Variants in RAD51B observed in about 807,000 individuals in gnomAD.
The protein encoded by RAD51B is RAD51 paralog B.
A neutral mutation model predicts 42.2 loss-of-function variants in RAD51B; 38 were observed. The ratio of observed to expected loss-of-function variants is 0.90; its 90% confidence interval spans 0.70 to 1.18. The LOEUF (loss-of-function observed/expected upper bound fraction) is 1.18, where lower values mean the gene tolerates loss of function less well. Among genes scored for constraint, RAD51B ranks in the 50% most tolerant of loss-of-function variants. RAD51B has a pLI of 0.00. For missense variants in RAD51B, 373 were observed against 400.7 expected, an observed-to-expected ratio of 0.93 and a Z score of 0.59; for synonymous variants, 154 against 145.2, an observed-to-expected ratio of 1.06 and a Z score of -0.43.
At chr14:68,401,148 A>G (rs2084093790) in intron 8 of RAD51B, among the ~76,000 whole-genome samples, 1 of 152,192 alleles carries the variant, frequency 6.6e-6, no homozygotes, top group African/African-American at 2.4e-5. Flanking sequence ...TTTTCGTATA[A>G]AGTGAGCATG....
intron 8 of RAD51B, among the ~76,000 whole-genome samples, chr14:68,359,359 C>T (rs1011158452): frequency 6.6e-6 from 1 of 151,918 alleles, no homozygotes; most frequent in Non-Finnish European, 1.5e-5. Context: ...TCCTTTAGCT[C>T]AGGGGCAAGT....
intron 7 of RAD51B, among the ~76,000 whole-genome samples, chr14:68,116,361 A>G (rs1335501241): frequency 6.6e-6 from 1 of 151,882 alleles, no homozygotes; most frequent in African/African-American, 2.4e-5. Context: ...AAAAAAAAAA[A>G]AAGAAACTAG....
chr14:68,636,516 G>T (rs1892343105), intron 10 of RAD51B, among the ~76,000 whole-genome samples: 1 of 151,184 alleles, frequency 6.6e-6, no homozygotes, highest in Non-Finnish European at 1.5e-5. Context: ...CCAGGAGGCG[G>T]AGGTTGCAGT....
intron 7 of RAD51B, among the ~76,000 whole-genome samples, chr14:67,906,304 G>T (rs2043779874): frequency 6.6e-6 from 1 of 152,080 alleles, no homozygotes; most frequent in Non-Finnish European, 1.5e-5. Flanking sequence ...CTTGTATTTT[G>T]TTGAGGATTT....
downstream of RAD51B, among the ~76,000 whole-genome samples, chr14:68,596,932 A>G (rs1431718909): frequency 6.6e-6 from 1 of 152,166 alleles, no homozygotes; most frequent in African/African-American, 2.4e-5. Flanking sequence ...CTGCTGCTCC[A>G]AGGGTGCCAC....
chr14:68,108,396 CA>C (rs1322312218), intron 7 of RAD51B, among the ~76,000 whole-genome samples: 4 of 151,886 alleles, frequency 2.6e-5, no homozygotes, highest in Admixed American at 2.6e-4. Flanking sequence ...AATGGATAAA[CA>C]AAATGTGGTA....
intron 7 of RAD51B, among the ~76,000 whole-genome samples, chr14:68,013,450 AC>A (rs764890200): frequency 2.6e-5 from 4 of 152,194 alleles, no homozygotes; most frequent in Non-Finnish European, 4.4e-5. Flanking sequence ...AGCATGCTGG[AC>A]CAGAAATACG....
intron 9 of RAD51B, among the ~76,000 whole-genome samples, chr14:68,417,286 C>G (rs2084585209): frequency 6.6e-6 from 1 of 152,186 alleles, no homozygotes; most frequent in South Asian, 2.1e-4. Context: ...GTGTGTGTGA[C>G]TAGATCCCGC....
chr14:68,648,037 ACACACGTATATAGATGTGTGTGTG>A (rs1330519031), intron 10 of RAD51B, among the ~76,000 whole-genome samples: 38 of 38,000 alleles, frequency 1.0e-3, no homozygotes, highest in East Asian at 4.5e-3. Flanking sequence ...ATATATATAT[ACACACGTATATAGATGTGTGTGTG>A]TATATATATA....
chr14:68,675,106 C>T (rs142980758), intron 11 of RAD51B, among the ~76,000 whole-genome samples: 3 of 146,822 alleles, frequency 2.0e-5, no homozygotes, highest in East Asian at 1.9e-4. Context: ...GACAGCTCTG[C>T]CCAGCCTGGA....
chr14:68,331,540 T>C (rs1014710056), intron 8 of RAD51B, among the ~76,000 whole-genome samples: 6 of 152,002 alleles, frequency 3.9e-5, no homozygotes, highest in African/African-American at 1.2e-4. Flanking sequence ...GGATGTTTTG[T>C]GTAAGTACAA....
At chr14:68,264,112 T>C (rs1373730997) in intron 7 of RAD51B, among the ~76,000 whole-genome samples, 1 of 152,218 alleles carries the variant, frequency 6.6e-6, no homozygotes, top group East Asian at 1.9e-4. Flanking sequence ...TTCCTCAGAA[T>C]TCACTGAAAA....
intron 11 of RAD51B, among the ~76,000 whole-genome samples, chr14:68,652,760 A>T (rs1892728608): frequency 6.6e-6 from 1 of 152,212 alleles, no homozygotes; most frequent in African/African-American, 2.4e-5. Flanking sequence ...GGGCCTAGGT[A>T]TCCAGAGCTT....
chr14:68,101,446 G>A (rs891512865), intron 7 of RAD51B, among the ~76,000 whole-genome samples: 13 of 119,804 alleles, frequency 1.1e-4, no homozygotes, highest in Admixed American at 4.4e-4. Flanking sequence ...AGATACAGTG[G>A]GGGTACAGGC....
chr14:68,353,261 T>A (rs1318714699), intron 8 of RAD51B, among the ~76,000 whole-genome samples: 4 of 152,198 alleles, frequency 2.6e-5, no homozygotes, highest in Non-Finnish European at 5.9e-5. Flanking sequence ...ATTATGGTCA[T>A]GCTACTTAAC....
At chr14:68,258,138 A>G (rs911277349) in intron 7 of RAD51B, among the ~76,000 whole-genome samples, 3 of 152,186 alleles carry the variant, frequency 2.0e-5, no homozygotes, top group Admixed American at 1.3e-4. Flanking sequence ...ATTTGAGACC[A>G]GGTGAGTAAT....
At chr14:68,486,223 TTTATC>T (rs1883612118) in intron 10 of RAD51B, among the ~76,000 whole-genome samples, 1 of 152,180 alleles carries the variant, frequency 6.6e-6, no homozygotes, top group African/African-American at 2.4e-5. Context: ...GACTGACACT[TTTATC>T]TAGTGACTAG....
chr14:67,921,566 A>G (rs2044322828), intron 7 of RAD51B, among the ~76,000 whole-genome samples: 1 of 114,822 alleles, frequency 8.7e-6, no homozygotes, highest in Admixed American at 1.0e-4. Context: ...ATATGTGCAC[A>G]TCACACACAC....
rs2078370786 is a variant in RAD51B at position 68,151,149 on chromosome 14, T to A, written c.757-140735T>A. Among the ~76,000 whole-genome samples the A allele has an allele frequency of 2.0e-5, 3 of 151,878 alleles. No individual in the cohort carries two copies. The South Asian group carries it at 6.2e-4, about 31-fold the overall frequency. On this transcript the variant is annotated intron_variant, in intron 7 of 10. Coordinates refer to ENST00000471583, the MANE Select transcript of RAD51B (RefSeq NM_133510.4). ...TTATCTGAGAGGTCTTTATTTTACC[T>A]TTGTTTTTGAAAGATATCTTTGTTG...
Sources: allele counts gnomAD v4.1 joint callset (sites outside exome capture counted in the v4.1 genomes callset), GRCh38; gene constraint gnomAD v4.1.1; transcripts MANE v1.5; gene names NCBI Gene and HGNC (gene_info 2026-07-23, HGNC 2026-07-21).